Variants in DLGAP2 observed in about 807,000 individuals in gnomAD.
DLGAP2 encodes disks large-associated protein 2.
A neutral mutation model predicts 100.3 loss-of-function variants in DLGAP2; 26 were observed. That is an observed-to-expected ratio of 0.26 (90% CI 0.19 to 0.36). The LOEUF (loss-of-function observed/expected upper bound fraction) is 0.36. Among genes scored for constraint, DLGAP2 ranks in the 10% least tolerant of loss-of-function variants. DLGAP2 has a pLI of 1.00. For missense variants in DLGAP2, 1,858 were observed against 1,453.2 expected (o/e 1.28, Z -4.53); for synonymous variants, 886 against 630.1 (o/e 1.41, Z -6.08).
intron 3 of DLGAP2, among the ~76,000 whole-genome samples, chr8:1,284,256 T>C (rs1316746969): frequency 1.3e-5 from 2 of 152,164 alleles, no homozygotes; most frequent in African/African-American, 4.8e-5. Flanking sequence ...GAGAGATTTT[T>C]TGTTAATATG....
chr8:1,363,936 G>C (rs1802045796), intron 3 of DLGAP2, among the ~76,000 whole-genome samples: 1 of 152,154 alleles, frequency 6.6e-6, no homozygotes, highest in African/African-American at 2.4e-5. Flanking sequence ...GACAGTGACA[G>C]CCAGGCTATT....
intron 3 of DLGAP2, among the ~76,000 whole-genome samples, chr8:1,469,499 G>A (rs1272255169): frequency 6.6e-6 from 1 of 152,206 alleles, no homozygotes; most frequent in Non-Finnish European, 1.5e-5. Flanking sequence ...GAAGCTACTG[G>A]AAAGCAGCCT....
At chr8:1,274,715 TTTTTTTTTTG>T (rs1799648649) in intron 3 of DLGAP2, among the ~76,000 whole-genome samples, 1 of 144,812 alleles carries the variant, frequency 6.9e-6, no homozygotes, top group African/African-American at 2.6e-5. Context: ...TTTTTTTTTT[TTTTTTTTTTG>T]CCGTAATTGT....
At chr8:1,294,088 A>G (rs1206739657) in intron 3 of DLGAP2, among the ~76,000 whole-genome samples, 2 of 152,136 alleles carry the variant, frequency 1.3e-5, no homozygotes, top group Non-Finnish European at 2.9e-5. Flanking sequence ...TGGAATTCCA[A>G]CAAAACTATG....
At chr8:990,252 C>A (rs1026480532) in intron 2 of DLGAP2, among the ~76,000 whole-genome samples, 1 of 151,934 alleles carries the variant, frequency 6.6e-6, no homozygotes, top group Non-Finnish European at 1.5e-5. Flanking sequence ...CATGTGGGTG[C>A]CCAAGTCCTG....
chr8:1,188,979 C>T (rs1056449853), intron 2 of DLGAP2, among the ~76,000 whole-genome samples: 1 of 149,718 alleles, frequency 6.7e-6, no homozygotes, highest in African/African-American at 2.5e-5. Context: ...AGGGTTCGGG[C>T]CCCAGGCCGG....
intron 2 of DLGAP2, among the ~76,000 whole-genome samples, chr8:1,251,042 T>G (rs1367279201): frequency 6.6e-6 from 1 of 152,238 alleles, no homozygotes; most frequent in Non-Finnish European, 1.5e-5. Flanking sequence ...GTACATCAAC[T>G]ATCTGCAGTT....
At chr8:1,412,875 C>G (rs572668596) in intron 3 of DLGAP2, among the ~76,000 whole-genome samples, 7 of 152,148 alleles carry the variant, frequency 4.6e-5, no homozygotes, top group African/African-American at 1.7e-4. Flanking sequence ...TACAGTGCCT[C>G]TCGCATGCTA....
chr8:1,216,540 G>A (rs1031218520), intron 2 of DLGAP2, among the ~76,000 whole-genome samples: 1 of 151,204 alleles, frequency 6.6e-6, no homozygotes, highest in Non-Finnish European at 1.5e-5. Context: ...TCACTATGTT[G>A]CCCAGGCTGG....
Position 1,466,354 on chromosome 8 carries a change from C to T in DLGAP2, c.107-35012C>T, listed in dbSNP as rs1798625427. Among the ~76,000 whole-genome samples, 3 of 152,218 alleles carry T rather than the reference C, an allele frequency of 2.0e-5. No homozygotes were observed. The Middle Eastern group carries it at 0.01, about 518-fold the overall frequency. ...AGCCGACCCTCATCCTCAGCCGTGG[C>T]TGCCGCAGGAGACATTTCCCCCCTC... On this transcript the variant is annotated intron_variant, in intron 3 of 14. Coordinates refer to ENST00000637795, the MANE Select transcript of DLGAP2 (RefSeq NM_001346810.2).
intron 2 of DLGAP2, among the ~76,000 whole-genome samples, chr8:1,124,094 G>A (rs1419602791): frequency 6.6e-6 from 1 of 152,184 alleles, no homozygotes; most frequent in Non-Finnish European, 1.5e-5. Flanking sequence ...TGTTTCTCAT[G>A]CATATCGTTT....
intron 1 of DLGAP2, among the ~76,000 whole-genome samples, chr8:854,215 C>T (rs893964530): frequency 1.3e-5 from 2 of 152,170 alleles, no homozygotes; most frequent in African/African-American, 4.8e-5. Flanking sequence ...GGGACTTGGG[C>T]TCACCACCAT....
intron 3 of DLGAP2, among the ~76,000 whole-genome samples, chr8:1,356,348 C>T (rs185517664): frequency 1.6e-4 from 24 of 152,350 alleles, no homozygotes; most frequent in African/African-American, 5.5e-4. Flanking sequence ...TAAAACAAAT[C>T]CTCATTTTCT....
intron 3 of DLGAP2, among the ~76,000 whole-genome samples, chr8:1,270,804 C>G (rs1340134219): frequency 4.0e-5 from 6 of 150,750 alleles, no homozygotes; most frequent in Admixed American, 6.6e-5. Context: ...CTGTGTGTCT[C>G]TGTGTGTGTG....
chr8:1,130,634 C>T (rs141388338), intron 2 of DLGAP2, among the ~76,000 whole-genome samples: 4 of 152,344 alleles, frequency 2.6e-5, no homozygotes, highest in East Asian at 1.9e-4. Context: ...GGCTGTAAAG[C>T]GTGGCACGGA....
At chr8:1,691,734 G>A (rs747021245) in intron 13 of DLGAP2, 108 bp downstream of exon 13, 104 of 966,364 alleles carry the variant, frequency 1.1e-4, no homozygotes, top group East Asian at 9.2e-4. Context: ...ATCGGTATGC[G>A]GAATATCACG....
intron 2 of DLGAP2, among the ~76,000 whole-genome samples, chr8:1,132,961 CAG>C (rs1390404733): frequency 1.3e-5 from 2 of 152,144 alleles, no homozygotes; most frequent in African/African-American, 4.8e-5. Context: ...CCAAGGCCCT[CAG>C]GGAGAAATTT....
At chr8:1,135,059 C>T (rs577785680) in intron 2 of DLGAP2, among the ~76,000 whole-genome samples, 36 of 152,298 alleles carry the variant, frequency 2.4e-4, no homozygotes, top group Middle Eastern at 3.4e-3. Context: ...TTTTCTATTT[C>T]CTCCATTCTT....
chr8:1,226,559 A>G (rs4593571), intron 2 of DLGAP2, among the ~76,000 whole-genome samples: 3,948 of 152,268 alleles, frequency 0.026, 98 homozygotes, highest in East Asian at 0.098. Context: ...GCAAACCACC[A>G]TGGCACACAT....
Sources: gnomAD v4.1 joint callset for allele counts (sites outside exome capture counted in the v4.1 genomes callset) on GRCh38, gnomAD v4.1.1 for gene constraint, MANE v1.5 for transcripts, NCBI Gene and HGNC (gene_info 2026-07-23, HGNC 2026-07-21) for gene names.